The following DNAJC2 variants were observed in gnomAD, a reference collection of about 807,000 sequenced individuals.
The protein encoded by DNAJC2 is DnaJ heat shock protein family (Hsp40) member C2.
DNAJC2 carries 32 observed loss-of-function variants against 94.0 expected under a neutral mutation model. The observed-to-expected ratio is 0.34, with a 90% CI of 0.26 to 0.46. DNAJC2 has a LOEUF of 0.46. Ranked by LOEUF, DNAJC2 falls within the 20% of genes least tolerant of loss-of-function variation. The probability of loss-of-function intolerance (pLI) is 1.00; values close to 1 mark genes in which losing one functional copy is unlikely to be tolerated. For synonymous variants in DNAJC2, 210 were observed against 229.7 expected (o/e 0.91, Z 0.77); for missense variants, 550 against 719.5 (o/e 0.76, Z 2.69).
chr7:103,344,410 A>C, intron 1 of DNAJC2, 149 bp downstream of exon 1: 1 of 792,998 alleles, frequency 1.3e-6, no homozygotes, highest in Non-Finnish European at 2.1e-6. Context: ...ACTTTAAAAC[A>C]CGGAGCAAAA....
At chr7:103,321,440 C>T (rs918971441) in intron 10 of DNAJC2, among the ~76,000 whole-genome samples, 1 of 151,602 alleles carries the variant, frequency 6.6e-6, no homozygotes, top group African/African-American at 2.4e-5. Context: ...GTTGCTTGAA[C>T]CCAGGAGGCG....
Position 103,322,689 on chromosome 7 carries a change from TC to T in DNAJC2, c.811+13del. 2 of 1,612,816 alleles carry T rather than the reference TC, an allele frequency of 1.2e-6. No individual in the cohort carries two copies. Among genetic ancestry groups the T allele is most frequent in the Non-Finnish European group, 1.7e-6 (2 of 1,179,704 alleles). On this transcript the variant is annotated intron_variant, in intron 8 of 16. Coordinates refer to ENST00000379263, the MANE Select transcript of DNAJC2 (RefSeq NM_014377.3). ...ATTTCTAACATTTAGGGGACTTAAA[TC>T]AATTCTACTTACCAACTAATGTTCT... is the stretch of plus-strand genomic sequence containing the variant.
intron 3 of DNAJC2, chr7:103,329,028 A>G: frequency 3.2e-6 from 4 of 1,261,844 alleles, no homozygotes; most frequent in Non-Finnish European, 4.1e-6. Context: ...TCCTTTTACC[A>G]CAGCCTCAGC....
rs779559655 is a variant in DNAJC2, at chr7:103,344,642, C to T, written c.-20G>A. ...CAGCATGATGGCGCCGGGTCTAGCC[C>T]GGTGGGCGCAGCGGCTCACGTCCCG... On this transcript the variant is annotated 5_prime_UTR_variant, in exon 1 of 17. Transcript: ENST00000379263. The T allele has an allele frequency of 5.6e-6, 9 of 1,605,716 alleles. No individual in the cohort carries two copies. Among genetic ancestry groups the T allele is most frequent in the Middle Eastern group, 1.8e-4 (1 of 5,590 alleles).
intron 4 of DNAJC2, chr7:103,327,210 T>C (rs1353035013): frequency 3.4e-5 from 15 of 442,766 alleles, no homozygotes; most frequent in Non-Finnish European, 3.9e-5. Flanking sequence ...TACTAGGATA[T>C]AATCAACTTC....
At chr7:103,326,202 T>G (rs1409533851) in intron 5 of DNAJC2, among the ~76,000 whole-genome samples, 1 of 152,168 alleles carries the variant, frequency 6.6e-6, no homozygotes, top group Non-Finnish European at 1.5e-5. Flanking sequence ...GGTCTTGAAC[T>G]CCTGACCTCA....
chr7:103,312,380 C>T lies in DNAJC2; in HGVS notation c.*189G>A. On this transcript the variant is annotated 3_prime_UTR_variant, in exon 17 of 17. Transcript: ENST00000379263. ...TGGAAATTTGAATTAAATACTGTAT[C>T]ATACTTTCAAAGGATAAAAAGACTA... is the stretch of plus-strand genomic sequence containing the variant. The T allele has an allele frequency of 1.3e-6, 2 of 1,536,948 alleles. No individual in the cohort carries two copies. Among genetic ancestry groups the T allele is most frequent in the Non-Finnish European group, 1.7e-6 (2 of 1,150,548 alleles).
intron 3 of DNAJC2, among the ~76,000 whole-genome samples, chr7:103,332,546 C>T (rs1819018351): frequency 6.6e-6 from 1 of 152,022 alleles, no homozygotes; most frequent in Non-Finnish European, 1.5e-5. Context: ...ACACTTGAAA[C>T]AATTCACCTG....
At chr7:103,315,233 T>G (rs573107308) in intron 15 of DNAJC2, among the ~76,000 whole-genome samples, 16 of 151,842 alleles carry the variant, frequency 1.1e-4, no homozygotes, top group African/African-American at 3.4e-4. Flanking sequence ...TTTAACATTT[T>G]ATTTTGAAAT....
At chr7:103,314,065 A>G (rs1266013835) in intron 15 of DNAJC2, 1 of 985,298 alleles carries the variant, frequency 1.0e-6, no homozygotes, top group Non-Finnish European at 1.2e-6. Context: ...CCTATTCAAA[A>G]CAAAGCAGAG....
intron 13 of DNAJC2, chr7:103,316,403 C>G (rs1818057551): frequency 8.8e-6 from 2 of 228,034 alleles, no homozygotes; most frequent in Non-Finnish European, 1.7e-5. Flanking sequence ...ATCAATCATT[C>G]TGAAAACAGC....
chr7:103,319,927 C>T lies in DNAJC2; in HGVS notation c.1084-83G>A, dbSNP rs527526626. On this transcript the variant is annotated intron_variant, in intron 10 of 16. Transcript: ENST00000379263. Reference sequence around the variant, plus strand: ...TTACAAAGCTGTAATCCCAGCTACTCGGGAGGCTGAGGCAGGAGAATCGCT... The same window carrying T: ...TTACAAAGCTGTAATCCCAGCTACTTGGGAGGCTGAGGCAGGAGAATCGCT... 727 of 1,463,898 alleles carry T rather than the reference C, an allele frequency of 5.0e-4. 1 individual carries two copies. The highest frequency in any genetic ancestry group is 6.5e-4 in the Non-Finnish European group (683 of 1,055,392). 90.7% of individuals were successfully genotyped at this position (1,463,898 alleles called of 1,614,324 possible). A position where few individuals can be genotyped will look rare whatever the true frequency, so the allele number is the denominator to read the frequency against.
intron 15 of DNAJC2, chr7:103,313,891 TAG>T (rs1817897894): frequency 1.0e-6 from 1 of 985,332 alleles, no homozygotes; most frequent in African/African-American, 1.7e-5. Context: ...TCTGGCAATT[TAG>T]TTATTTCAGA....
At chr7:103,334,628 AAGAG>A (rs1351095225) in intron 3 of DNAJC2, among the ~76,000 whole-genome samples, 1 of 151,806 alleles carries the variant, frequency 6.6e-6, no homozygotes, top group Non-Finnish European at 1.5e-5. Flanking sequence ...AAAAAAAAAA[AAGAG>A]AGACAAGGTC....
chr7:103,322,895 A>G (rs1818497803), intron 7 of DNAJC2, 101 bp from the exon 8 acceptor site: 1 of 926,528 alleles, frequency 1.1e-6, no homozygotes, highest in African/African-American at 1.7e-5. Flanking sequence ...AACATCCTAG[A>G]GGTTAAAATG....
rs372907875 is a variant in DNAJC2, at chr7:103,313,101, C to A, written c.1637G>T (p.Gly546Val). The change falls in exon 16 of 17, where the codon GGT (glycine) becomes GTT (valine). Residue 546 changes from glycine to valine, a missense_variant and splice_region_variant. Physicochemically the swap from Gly to Val is moderately radical, Grantham distance 109. Around this residue, in one of 2 missense-constraint regions of DNAJC2, gnomAD observed 271 missense variants for 302.6 expected, o/e 0.90. Transcript: ENST00000379263. ...DNATPSERFEGPYTDFTPWTT... is the reference protein window; with the variant it reads ...DNATPSERFEVPYTDFTPWTT... ...CCAAGGGGTGAAGTCTGTATATGGA[C>A]CTGATTAAGAAAAATTTTTATTTGA... 64 of 1,597,200 alleles carry A rather than the reference C, an allele frequency of 4.0e-5. No individual in the cohort carries two copies. Among genetic ancestry groups the A allele is most frequent in the East Asian group, 2.2e-4 (10 of 44,742 alleles).
At chr7:103,340,440 A>G (rs1322320502) in intron 2 of DNAJC2, among the ~76,000 whole-genome samples, 1 of 152,192 alleles carries the variant, frequency 6.6e-6, no homozygotes, top group Non-Finnish European at 1.5e-5. Context: ...TAAACAACCA[A>G]TGACATAGGA....
At chr7:103,340,866 C>A (rs541897895) in intron 2 of DNAJC2, among the ~76,000 whole-genome samples, 1 of 152,280 alleles carries the variant, frequency 6.6e-6, no homozygotes, top group East Asian at 1.9e-4. Context: ...GACAGCTTCA[C>A]CACTATGGTA....
In DNAJC2 at chr7:103,319,654, G is replaced by A. The variant is rs749456723; in HGVS notation, c.1197C>T (p.Leu399=). ...LASLQCLNET[L]TSCTKEVGKA... Reference sequence around the variant, plus strand: ...TTCCTACTTCTTTTGTGCATGATGTGAGTGTTTCATTCAAGCACTGTAAGC... The same window carrying A: ...TTCCTACTTCTTTTGTGCATGATGTAAGTGTTTCATTCAAGCACTGTAAGC... The change falls in exon 12 of 17, where the codon CTC becomes CTT. Residue 399 remains leucine (L), a synonymous_variant. Coordinates refer to ENST00000379263, the MANE Select transcript of DNAJC2 (RefSeq NM_014377.3). 3.7e-6 allele frequency: 6 copies of A among 1,613,850 alleles called. No individual in the cohort carries two copies. In the East Asian group the frequency reaches 1.3e-4, roughly 36 times the overall value.
Sources: gnomAD v4.1 joint callset for allele counts (sites outside exome capture counted in the v4.1 genomes callset) on GRCh38, gnomAD v4.1.1 for gene constraint, gnomAD v4.1.1 regional missense constraint, MANE v1.5 for transcripts, NCBI Gene and HGNC (gene_info 2026-07-23, HGNC 2026-07-21) for gene names.